PRTG: variants seen among roughly 807,000 people sequenced by gnomAD.
PRTG encodes the protein protogenin.
In PRTG, 67 loss-of-function variants were observed where a neutral mutation model predicts 122.5. The observed-to-expected ratio is 0.55, with a 90% CI of 0.45 to 0.67. PRTG has a LOEUF of 0.67. PRTG is among the 30% of genes least tolerant of loss of function. PRTG has a pLI of 0.00. For synonymous variants in PRTG, 554 were observed against 501.1 expected, an observed-to-expected ratio of 1.11 and a Z score of -1.41; for missense variants, 1,435 against 1,415.4, an observed-to-expected ratio of 1.01 and a Z score of -0.22.
At chr15:55,686,147 ATTAAC>A (rs2059569102) in intron 2 of PRTG, among the ~76,000 whole-genome samples, 1 of 152,146 alleles carries the variant, frequency 6.6e-6, no homozygotes, top group Non-Finnish European at 1.5e-5. Flanking sequence ...TCTTTTTATA[ATTAAC>A]TTAAACTATG....
At chr15:55,678,648 T>A (rs2059518610) in intron 7 of PRTG, among the ~76,000 whole-genome samples, 1 of 152,246 alleles carries the variant, frequency 6.6e-6, no homozygotes. Context: ...CTTAAAATTA[T>A]TCATTTTTGA....
intron 11 of PRTG, among the ~76,000 whole-genome samples, chr15:55,657,033 C>T (rs565847355): frequency 2.6e-5 from 4 of 152,200 alleles, no homozygotes; most frequent in African/African-American, 7.2e-5. Context: ...ATGAATCATA[C>T]TAGAATGTCA....
chr15:55,737,528 A>T (rs2031449260), intron 2 of PRTG, among the ~76,000 whole-genome samples: 1 of 152,184 alleles, frequency 6.6e-6, no homozygotes, highest in Admixed American at 6.5e-5. Context: ...GAATTTCTGC[A>T]TTCCTCAAGA....
At chr15:55,720,443 C>T (rs1446147538) in intron 2 of PRTG, among the ~76,000 whole-genome samples, 1 of 152,166 alleles carries the variant, frequency 6.6e-6, no homozygotes, top group Non-Finnish European at 1.5e-5. Flanking sequence ...TAAGACTTGA[C>T]TGATCTGGTT....
Position 55,617,564 on chromosome 15 carries a change from GAATT to G in PRTG, c.*2444_*2447del, listed in dbSNP as rs1369836918. The G allele has an allele frequency of 3.9e-5, 6 of 151,946 alleles. No individual in the cohort carries two copies. The highest frequency in any genetic ancestry group is 7.4e-5 in the Non-Finnish European group (5 of 67,954). The allele number at this position is 151,946 out of a possible 1,614,324, so 9.4% of individuals were successfully genotyped here. On this transcript the variant is annotated 3_prime_UTR_variant, in exon 20 of 20. Transcript: ENST00000389286. ...TTCTACTGAAAATTCTTTGGTAACA[GAATT>G]ATTATGAAAAAGTCCGTATAAGAAC...
rs888652235 is a variant in PRTG, at chr15:55,625,145, CA to C, written c.2928-639del. On this transcript the variant is annotated intron_variant, in intron 17 of 19. Coordinates refer to ENST00000389286, the MANE Select transcript of PRTG (RefSeq NM_173814.6). ...ATTTGACGTTGATTTTTTTTTAATT[CA>C]AAAAAATAGCCTTAATAAATGAAAA... is the stretch of plus-strand genomic sequence containing the variant. Among the ~76,000 whole-genome samples the C allele has an allele frequency of 2.7e-4, 41 of 150,836 alleles. No individual in the cohort carries two copies. In the East Asian group the frequency reaches 6.4e-3, roughly 24 times the overall value.
At chr15:55,696,389 T>C (rs2059632258) in intron 2 of PRTG, among the ~76,000 whole-genome samples, 1 of 152,250 alleles carries the variant, frequency 6.6e-6, no homozygotes, top group African/African-American at 2.4e-5. Context: ...AAATCAACCA[T>C]GCGTTTGTAT....
chr15:55,671,430 G>C (rs2059470705), intron 11 of PRTG, among the ~76,000 whole-genome samples: 1 of 152,208 alleles, frequency 6.6e-6, no homozygotes, highest in Non-Finnish European at 1.5e-5. Flanking sequence ...GCAACAAATA[G>C]CTAAGTGTAC....
intron 11 of PRTG, among the ~76,000 whole-genome samples, chr15:55,648,116 G>A (rs1205941536): frequency 2.6e-5 from 4 of 152,118 alleles, no homozygotes; most frequent in African/African-American, 9.7e-5. Flanking sequence ...AAATGCTTTG[G>A]AAAACAATAA....
chr15:55,697,951 C>T (rs112021568), intron 2 of PRTG, among the ~76,000 whole-genome samples: 21 of 152,254 alleles, frequency 1.4e-4, no homozygotes, highest in African/African-American at 5.1e-4. Context: ...TCTTGCTGGA[C>T]ATAAACACCA....
Position 55,619,153 on chromosome 15 carries a change from C to G in PRTG, c.*859G>C, listed in dbSNP as rs927421922. ...AGGGGAAGGTAGAAAAGGCACAGTTCTGGGCAGCTTGAGGTTTGGGATATA... is the reference window on the plus strand; with the variant it reads ...AGGGGAAGGTAGAAAAGGCACAGTTGTGGGCAGCTTGAGGTTTGGGATATA... On this transcript the variant is annotated 3_prime_UTR_variant, in exon 20 of 20. Transcript: ENST00000389286. The G allele has an allele frequency of 3.9e-5, 6 of 152,288 alleles. No individual in the cohort carries two copies. The highest frequency in any genetic ancestry group is 2.1e-4 in the South Asian group (1 of 4,826). 9.4% of individuals were successfully genotyped at this position (152,288 alleles called of 1,614,324 possible).
intron 2 of PRTG, among the ~76,000 whole-genome samples, chr15:55,730,216 CT>C (rs2031182141): frequency 6.6e-6 from 1 of 152,070 alleles, no homozygotes; most frequent in African/African-American, 2.4e-5. Context: ...ATTCTCCTGC[CT>C]CAGCCTCCTG....
Position 55,628,751 on chromosome 15 carries a change from C to G in PRTG, c.2806+71G>C, listed in dbSNP as rs569130699. On this transcript the variant is annotated intron_variant, in intron 16 of 19. Coordinates refer to ENST00000389286, the MANE Select transcript of PRTG (RefSeq NM_173814.6). The stretch of plus-strand genomic sequence containing the variant: ...TTTAGGGATACAGCAATTGTAGGAG[C>G]AGAAATAATGTGTAAGGAAGAACAC... 3.3e-6 allele frequency: 4 copies of G among 1,203,066 alleles called. No individual in the cohort carries two copies. The East Asian group carries it at 9.5e-5, about 29-fold the overall frequency. 74.5% of individuals were successfully genotyped at this position (1,203,066 alleles called of 1,614,324 possible). A position where few individuals can be genotyped will look rare whatever the true frequency, so the allele number is the denominator to read the frequency against.
chr15:55,683,676 A>T, intron 3 of PRTG, 111 bp downstream of exon 3: 1 of 809,086 alleles, frequency 1.2e-6, no homozygotes, highest in Non-Finnish European at 1.9e-6. Flanking sequence ...GCAATCAGTT[A>T]TTACTGCCCT....
chr15:55,700,425 T>C (rs967905646), intron 2 of PRTG, among the ~76,000 whole-genome samples: 3 of 152,156 alleles, frequency 2.0e-5, no homozygotes, highest in African/African-American at 4.8e-5. Flanking sequence ...TTTTTATATA[T>C]GACTTATAAA....
chr15:55,632,948 G>T (rs559002635), intron 15 of PRTG, among the ~76,000 whole-genome samples: 3 of 152,076 alleles, frequency 2.0e-5, no homozygotes, highest in Non-Finnish European at 4.4e-5. Flanking sequence ...TACTATTGGT[G>T]GTCCAATTCA....
At position 55,614,415 on chromosome 15, in the gene PRTG, G is replaced by C. The variant is rs1363740488; in HGVS notation, c.*5597C>G. On this transcript the variant is annotated 3_prime_UTR_variant, in exon 20 of 20. Coordinates refer to ENST00000389286, the MANE Select transcript of PRTG (RefSeq NM_173814.6). ...GAGGAACCAGATTTAAAGGCAGAAA[G>C]TTGTGAATGTTGTGAATATGTCATT... The C allele has an allele frequency of 1.3e-5, 2 of 152,066 alleles. No homozygotes were observed. The highest frequency in any genetic ancestry group is 2.9e-5 in the Non-Finnish European group (2 of 67,976). The allele number at this position is 152,066 out of a possible 1,614,324, so 9.4% of individuals were successfully genotyped here.
rs1258018271 is a variant in PRTG, at chr15:55,616,793, A to T, written c.*3219T>A. ...TACCAATATAATTGTATTGCTTTTA[A>T]TTATGTAAACTTAGCCCTTTGATAT... On this transcript the variant is annotated 3_prime_UTR_variant, in exon 20 of 20. Coordinates refer to ENST00000389286, the MANE Select transcript of PRTG (RefSeq NM_173814.6). The T allele has an allele frequency of 6.6e-6, 1 of 152,148 alleles. No individual in the cohort carries two copies. The highest frequency in any genetic ancestry group is 1.5e-5 in the Non-Finnish European group (1 of 67,990). The allele number at this position is 152,148 out of a possible 1,614,324, so 9.4% of individuals were successfully genotyped here.
At chr15:55,691,032 G>C (rs1000472916) in intron 2 of PRTG, among the ~76,000 whole-genome samples, 3 of 152,092 alleles carry the variant, frequency 2.0e-5, no homozygotes, top group African/African-American at 7.2e-5. Context: ...TCTAGGCCAG[G>C]CGCAGTGGCT....
Sources: gnomAD v4.1 joint callset for allele counts (sites outside exome capture counted in the v4.1 genomes callset) on GRCh38, gnomAD v4.1.1 for gene constraint, MANE v1.5 for transcripts, NCBI Gene and HGNC (gene_info 2026-07-23, HGNC 2026-07-21) for gene names.